NFIL3: variants seen among roughly 807,000 people sequenced by gnomAD.
The protein encoded by NFIL3 is nuclear factor, interleukin 3 regulated.
In NFIL3, 5 loss-of-function variants were observed where a neutral mutation model predicts 10.0. That is an observed-to-expected ratio of 0.50 (90% CI 0.26 to 1.06). The LOEUF is 1.06. Ranked by LOEUF, NFIL3 falls within the 50% of genes least tolerant of loss-of-function variation. The probability of loss-of-function intolerance (pLI) is 0.13; values close to 1 mark genes in which losing one functional copy is unlikely to be tolerated. For synonymous variants in NFIL3, 202 were observed against 206.5 expected (o/e 0.98, Z 0.19); for missense variants, 436 against 547.6 (o/e 0.80, Z 2.03).
upstream of NFIL3, among the ~76,000 whole-genome samples, chr9:91,424,427 G>A (rs889028645): frequency 6.6e-6 from 1 of 152,192 alleles, no homozygotes; most frequent in Non-Finnish European, 1.5e-5. Context: ...GGGCAGGAGG[G>A]AAGGCGGGGG....
the NFIL3 span, among the ~76,000 whole-genome samples, chr9:91,432,116 C>T: frequency 1.3e-5 from 2 of 152,182 alleles, no homozygotes; most frequent in Non-Finnish European, 1.5e-5. Flanking sequence ...CCAGGGGCTA[C>T]CGGGGCAGGT....
the NFIL3 span, among the ~76,000 whole-genome samples, chr9:91,456,029 ACC>A: frequency 2.6e-5 from 4 of 152,114 alleles, no homozygotes; most frequent in Non-Finnish European, 4.4e-5. Flanking sequence ...TGTAAGGGAA[ACC>A]ACACAACTTT....
chr9:91,429,841 A>G, the NFIL3 span, among the ~76,000 whole-genome samples: 1 of 152,094 alleles, frequency 6.6e-6, no homozygotes, highest in Non-Finnish European at 1.5e-5. Context: ...AGTAGAGCCC[A>G]GTGCTGAAGA....
At chr9:91,421,050 G>C (rs911992927) in intron 1 of NFIL3, among the ~76,000 whole-genome samples, 1 of 152,160 alleles carries the variant, frequency 6.6e-6, no homozygotes, top group African/African-American at 2.4e-5. Context: ...TTCACTTCAA[G>C]AATGGAGACG....
the NFIL3 span, among the ~76,000 whole-genome samples, chr9:91,467,298 G>A: frequency 6.6e-6 from 1 of 152,014 alleles, no homozygotes; most frequent in Non-Finnish European, 1.5e-5. Context: ...GTGCATGTGT[G>A]TATATATACA....
chr9:91,473,909 T>G, the NFIL3 span, among the ~76,000 whole-genome samples: 8 of 152,208 alleles, frequency 5.3e-5, no homozygotes, highest in Non-Finnish European at 1.0e-4. Context: ...AGACAGTCTA[T>G]TTCTTCCCTT....
At chr9:91,420,375 A>T (rs1833739864) in intron 1 of NFIL3, among the ~76,000 whole-genome samples, 1 of 152,040 alleles carries the variant, frequency 6.6e-6, no homozygotes, top group Non-Finnish European at 1.5e-5. Flanking sequence ...ACACACACAC[A>T]CACACACACA....
chr9:91,471,637 A>G, the NFIL3 span, among the ~76,000 whole-genome samples: 2 of 152,088 alleles, frequency 1.3e-5, no homozygotes, highest in East Asian at 1.9e-4. Flanking sequence ...AGCATTAGGT[A>G]TATCTCCTAA....
chr9:91,441,419 C>T, the NFIL3 span, among the ~76,000 whole-genome samples: 3 of 152,124 alleles, frequency 2.0e-5, no homozygotes, highest in African/African-American at 4.8e-5. Context: ...CTGGGTCTGT[C>T]GTAGGAAGCA....
At chr9:91,475,043 G>A in the NFIL3 span, among the ~76,000 whole-genome samples, 1 of 152,212 alleles carries the variant, frequency 6.6e-6, no homozygotes, top group African/African-American at 2.4e-5. Flanking sequence ...AGCTAAAGCT[G>A]CTGTTAGTCA....
chr9:91,417,809 CACAT>C (rs1833685985), intron 1 of NFIL3, among the ~76,000 whole-genome samples: 2 of 152,194 alleles, frequency 1.3e-5, no homozygotes, highest in Admixed American at 1.3e-4. Context: ...CGCACACACA[CACAT>C]ACACACACAC....
the NFIL3 span, among the ~76,000 whole-genome samples, chr9:91,478,593 C>CT: frequency 1.3e-5 from 2 of 151,968 alleles, no homozygotes; most frequent in Non-Finnish European, 2.9e-5. Flanking sequence ...GAACATGCTC[C>CT]TTTAGCTCGG....
upstream of NFIL3, among the ~76,000 whole-genome samples, chr9:91,424,142 A>T (rs1230432868): frequency 6.6e-6 from 1 of 151,856 alleles, no homozygotes; most frequent in Non-Finnish European, 1.5e-5. Context: ...CGCGGCCGAC[A>T]CGACCGGAGC....
At chr9:91,453,258 A>G in the NFIL3 span, among the ~76,000 whole-genome samples, 1 of 152,058 alleles carries the variant, frequency 6.6e-6, no homozygotes, top group Non-Finnish European at 1.5e-5. Flanking sequence ...ATTAGGGCCC[A>G]CACTAATGAC....
chr9:91,482,976 A>T, the NFIL3 span, among the ~76,000 whole-genome samples: 30 of 152,178 alleles, frequency 2.0e-4, no homozygotes, highest in Admixed American at 2.6e-4. Context: ...CTGCCTATCC[A>T]CATAAGGTTA....
At chr9:91,415,919 G>C (rs1479837344) in intron 1 of NFIL3, among the ~76,000 whole-genome samples, 1 of 152,172 alleles carries the variant, frequency 6.6e-6, no homozygotes, top group Non-Finnish European at 1.5e-5. Flanking sequence ...GAGCCGTCAC[G>C]CCTGGCTCCT....
At chr9:91,429,054 T>C in the NFIL3 span, among the ~76,000 whole-genome samples, 2 of 152,240 alleles carry the variant, frequency 1.3e-5, no homozygotes, top group Non-Finnish European at 2.9e-5. Flanking sequence ...GCTATGAGTA[T>C]ATGAAATAGA....
the NFIL3 span, among the ~76,000 whole-genome samples, chr9:91,477,990 G>A: frequency 2.0e-5 from 3 of 152,132 alleles, no homozygotes; most frequent in African/African-American, 7.2e-5. Context: ...ACTCTCTTCT[G>A]GCTTGTAGGG....
chr9:91,475,073 T>G, the NFIL3 span, among the ~76,000 whole-genome samples: 4 of 152,250 alleles, frequency 2.6e-5, no homozygotes, highest in African/African-American at 9.6e-5. Flanking sequence ...TGACTGATAG[T>G]TGAATGCATT....
Sources: gnomAD v4.1 joint callset for allele counts (sites outside exome capture counted in the v4.1 genomes callset) on GRCh38, gnomAD v4.1.1 for gene constraint, MANE v1.5 for transcripts, NCBI Gene and HGNC (gene_info 2026-07-23, HGNC 2026-07-21) for gene names.